ATP6V1H: variants seen among roughly 807,000 people sequenced by gnomAD.
ATP6V1H encodes the protein ATPase H+ transporting V1 subunit H, also known as V-type proton ATPase subunit H.
ATP6V1H carries 39 observed loss-of-function variants against 71.7 expected under a neutral mutation model. The observed-to-expected ratio is 0.54, with a 90% confidence interval of 0.42 to 0.71. ATP6V1H has a LOEUF of 0.71. Ranked by LOEUF, ATP6V1H falls within the 30% of genes least tolerant of loss-of-function variation. The pLI is 0.00. For synonymous variants in ATP6V1H, 192 were observed against 199.3 expected (o/e 0.96, Z 0.31); for missense variants, 509 against 594.9 (o/e 0.86, Z 1.50).
intron 11 of ATP6V1H, among the ~76,000 whole-genome samples, chr8:53,767,001 C>T (rs1808494352): frequency 1.3e-5 from 2 of 152,176 alleles, no homozygotes; most frequent in African/African-American, 4.8e-5. Context: ...CCTTTTGAAA[C>T]TCCCTAATAA....
At chr8:53,830,381 G>T (rs1050510189) in intron 3 of ATP6V1H, among the ~76,000 whole-genome samples, 26 of 152,142 alleles carry the variant, frequency 1.7e-4, no homozygotes, top group African/African-American at 6.0e-4. Flanking sequence ...TAAAAAAATG[G>T]AGACCTTATC....
intron 9 of ATP6V1H, among the ~76,000 whole-genome samples, chr8:53,790,471 C>A (rs1809531519): frequency 6.6e-6 from 1 of 152,160 alleles, no homozygotes; most frequent in Non-Finnish European, 1.5e-5. Flanking sequence ...GTCCATTAGG[C>A]ACCAAAGGTT....
At chr8:53,769,547 G>A (rs536417040) in intron 11 of ATP6V1H, 71 bp downstream of exon 11, 1 of 1,441,938 alleles carries the variant, frequency 6.9e-7, no homozygotes, top group Admixed American at 2.3e-5. Context: ...AATTTAGAGT[G>A]ACAAAAACGA....
intron 12 of ATP6V1H, among the ~76,000 whole-genome samples, chr8:53,750,500 C>T (rs933934240): frequency 7.9e-5 from 12 of 152,090 alleles, no homozygotes; most frequent in Non-Finnish European, 1.5e-4. Flanking sequence ...ATTCGAGGAC[C>T]TGCTGTCACT....
At chr8:53,832,254 G>A (rs1021258078) in intron 3 of ATP6V1H, 2 of 152,068 alleles carry the variant, frequency 1.3e-5, no homozygotes, top group East Asian at 1.9e-4. Flanking sequence ...AGAGGTATAC[G>A]CTAAGTGTAA....
chr8:53,741,124 A>G (rs1442342994), intron 13 of ATP6V1H, among the ~76,000 whole-genome samples: 1 of 152,232 alleles, frequency 6.6e-6, no homozygotes, highest in Non-Finnish European at 1.5e-5. Context: ...ATTTCCCTGT[A>G]AAGACAGAAT....
intron 2 of ATP6V1H, chr8:53,839,920 G>T: frequency 4.1e-6 from 4 of 985,568 alleles, no homozygotes; most frequent in Non-Finnish European, 4.8e-6. Flanking sequence ...GCATCTTCAC[G>T]ATCGGCCCCT....
rs571916601 is a variant in ATP6V1H at position 53,727,274 on chromosome 8, C to G, written c.1392-11250G>C. The stretch of plus-strand genomic sequence containing the variant: ...AGTCCTTCCTTCCTCATCCTCTCGG[C>G]TTATTTTACACTGCTCACCACTACT... On this transcript the variant is annotated intron_variant, in intron 13 of 13. Coordinates refer to ENST00000359530, the MANE Select transcript of ATP6V1H (RefSeq NM_015941.4). 2.0e-5 allele frequency among the ~76,000 whole-genome samples: 3 copies of G among 152,232 alleles called. No individual in the cohort carries two copies. The East Asian group carries it at 5.8e-4, about 29-fold the overall frequency.
chr8:53,763,964 C>A (rs1035382961), intron 11 of ATP6V1H, among the ~76,000 whole-genome samples: 3 of 152,178 alleles, frequency 2.0e-5, no homozygotes, highest in African/African-American at 7.2e-5. Flanking sequence ...AGTTAGGTGG[C>A]CTTCACAGTG....
intron 12 of ATP6V1H, among the ~76,000 whole-genome samples, chr8:53,744,024 T>G (rs1807507655): frequency 6.6e-6 from 1 of 152,164 alleles, no homozygotes; most frequent in African/African-American, 2.4e-5. Context: ...TTATCAGTAT[T>G]TCTTGCTTGT....
chr8:53,821,146 G>A (rs1221785678), intron 4 of ATP6V1H, among the ~76,000 whole-genome samples: 1 of 151,464 alleles, frequency 6.6e-6, no homozygotes. Context: ...CGAGGCAGGT[G>A]GATCATTTGA....
rs73680306 is a variant in ATP6V1H, at chr8:53,786,974, C to T, written c.870+8673G>A. 5.1e-3 allele frequency among the ~76,000 whole-genome samples: 784 copies of T among 152,294 alleles called. 6 individuals carry two copies. The highest frequency in any genetic ancestry group is 0.018 in the African/African-American group (743 of 41,572). ...CATGAGCAAATACTTTTATGAAACACAGTAAGAATGAATTTCAAGACATGT... is the reference window on the plus strand; with the variant it reads ...CATGAGCAAATACTTTTATGAAACATAGTAAGAATGAATTTCAAGACATGT... On this transcript the variant is annotated intron_variant, in intron 9 of 13. Transcript: ENST00000359530.
intron 11 of ATP6V1H, among the ~76,000 whole-genome samples, chr8:53,759,246 A>G (rs1380349884): frequency 6.6e-6 from 1 of 152,262 alleles, no homozygotes; most frequent in Non-Finnish European, 1.5e-5. Context: ...AGGACCATTA[A>G]GTCCACTGAA....
chr8:53,829,360 G>C (rs955700235), intron 4 of ATP6V1H, 84 bp downstream of exon 4: 1 of 831,828 alleles, frequency 1.2e-6, no homozygotes, highest in African/African-American at 1.7e-5. Context: ...AATGTTCTAA[G>C]TGAAATCTCA....
chr8:53,815,670 C>A (rs1279248503), intron 5 of ATP6V1H, among the ~76,000 whole-genome samples: 6 of 152,100 alleles, frequency 3.9e-5, no homozygotes, highest in African/African-American at 1.4e-4. Context: ...TTTTCACATG[C>A]CCAGCTAAAT....
intron 12 of ATP6V1H, among the ~76,000 whole-genome samples, chr8:53,744,931 A>G (rs1296107334): frequency 6.6e-6 from 1 of 152,208 alleles, no homozygotes; most frequent in Non-Finnish European, 1.5e-5. Context: ...TGTGATGATT[A>G]AAGGACATAA....
At chr8:53,716,140 T>TA in intron 13 of ATP6V1H, 116 bp from the exon 14 acceptor site, 1 of 748,462 alleles carries the variant, frequency 1.3e-6, no homozygotes, top group East Asian at 2.9e-5. Context: ...CAAAAATAAC[T>TA]AAAAAGTCCT....
chr8:53,782,398 T>C (rs1268471198), intron 9 of ATP6V1H, among the ~76,000 whole-genome samples: 1 of 149,122 alleles, frequency 6.7e-6, no homozygotes, highest in Non-Finnish European at 1.5e-5. Flanking sequence ...TTTTGTATCC[T>C]GAGACTTTGC....
At chr8:53,810,797 G>A (rs937994196) in intron 7 of ATP6V1H, among the ~76,000 whole-genome samples, 4 of 152,096 alleles carry the variant, frequency 2.6e-5, no homozygotes, top group African/African-American at 9.7e-5. Flanking sequence ...TGACGCTTTT[G>A]TTCACCTTTT....
Sources: allele counts gnomAD v4.1 joint callset (sites outside exome capture counted in the v4.1 genomes callset), GRCh38; gene constraint gnomAD v4.1.1; transcripts MANE v1.5; gene names NCBI Gene and HGNC (gene_info 2026-07-23, HGNC 2026-07-21).